QSOX1: variants seen among roughly 807,000 people sequenced by gnomAD.
QSOX1 encodes the protein sulfhydryl oxidase 1.
A neutral mutation model predicts 76.1 loss-of-function variants in QSOX1; 40 were observed. That is an observed-to-expected ratio of 0.53 (90% confidence interval 0.41 to 0.68). The LOEUF (loss-of-function observed/expected upper bound fraction) is 0.68, where lower values mean the gene tolerates loss of function less well. QSOX1 is among the 30% of genes least tolerant of loss of function. The probability of loss-of-function intolerance (pLI) is 0.00; values close to 1 mark genes in which losing one functional copy is unlikely to be tolerated. For synonymous variants in QSOX1, 392 were observed against 413.1 expected (o/e 0.95, Z 0.62); for missense variants, 931 against 974.3 (o/e 0.96, Z 0.59).
intron 2 of QSOX1, 64 bp downstream of exon 2, chr1:180,166,655 G>C: frequency 6.8e-7 from 1 of 1,468,252 alleles, no homozygotes. Context: ...TAAGGGAAAG[G>C]GACCATGTGG....
chr1:180,202,842 G>A lies in QSOX1; in HGVS notation c.*5805G>A, dbSNP rs1281680053. The A allele has an allele frequency of 2.0e-5, 3 of 152,162 alleles. No homozygotes were observed. Among genetic ancestry groups the A allele is most frequent in the Non-Finnish European group, 4.4e-5 (3 of 68,040 alleles). The allele number at this position is 152,162 out of a possible 1,614,324, so 9.4% of individuals were successfully genotyped here. Reference sequence around the variant, plus strand: ...GCTTGTAATCCTAGCACTTTGGGAGGCCGAGGTGGGTGGATCACGAGGTCA... The same window carrying A: ...GCTTGTAATCCTAGCACTTTGGGAGACCGAGGTGGGTGGATCACGAGGTCA... On this transcript the variant is annotated 3_prime_UTR_variant, in exon 12 of 12. Transcript: ENST00000367602.
At chr1:180,191,708 C>A (rs1663319575) in intron 10 of QSOX1, among the ~76,000 whole-genome samples, 1 of 152,174 alleles carries the variant, frequency 6.6e-6, no homozygotes, top group South Asian at 2.1e-4. Flanking sequence ...GGAGAGGGGT[C>A]TGGGAAAGGC....
At chr1:180,195,201 C>G (rs1663439777) in intron 11 of QSOX1, among the ~76,000 whole-genome samples, 1 of 152,146 alleles carries the variant, frequency 6.6e-6, no homozygotes, top group African/African-American at 2.4e-5. Flanking sequence ...TCGGCAGGCT[C>G]CCAGCTGCTG....
chr1:180,193,040 G>A (rs1163101492), intron 10 of QSOX1, among the ~76,000 whole-genome samples: 3 of 152,086 alleles, frequency 2.0e-5, no homozygotes, highest in African/African-American at 4.8e-5. Context: ...GGGCTGTGTC[G>A]GTGGAGTAGT....
Position 180,200,151 on chromosome 1 carries a change from C to T in QSOX1, c.*3114C>T, listed in dbSNP as rs1348167991. On this transcript the variant is annotated 3_prime_UTR_variant, in exon 12 of 12. Coordinates refer to ENST00000367602, the MANE Select transcript of QSOX1 (RefSeq NM_002826.5). ...TGACGTCTGGGTTTGAATCCAGCTT[C>T]CAACACTCACTGGCTGTGTGACTTT... 27 of 152,216 alleles carry T rather than the reference C, an allele frequency of 1.8e-4. No homozygotes were observed. The highest frequency in any genetic ancestry group is 1.8e-3 in the Admixed American group (27 of 15,286). 9.4% of individuals were successfully genotyped at this position (152,216 alleles called of 1,614,324 possible).
At chr1:180,155,853 A>C (rs1408899967) in intron 1 of QSOX1, among the ~76,000 whole-genome samples, 4 of 152,062 alleles carry the variant, frequency 2.6e-5, no homozygotes, top group Admixed American at 2.6e-4. Context: ...CTTATATTTT[A>C]AACCCATGCA....
chr1:180,161,611 T>C (rs1662495939), intron 1 of QSOX1, among the ~76,000 whole-genome samples: 1 of 152,236 alleles, frequency 6.6e-6, no homozygotes, highest in African/African-American at 2.4e-5. Context: ...AATGTTTCCA[T>C]TTTTGTTCAC....
chr1:180,187,729 G>T (rs1663209857), intron 8 of QSOX1, among the ~76,000 whole-genome samples: 1 of 152,244 alleles, frequency 6.6e-6, no homozygotes, highest in African/African-American at 2.4e-5. Context: ...TGAGATGAAG[G>T]TGCCTGCCCT....
intron 8 of QSOX1, among the ~76,000 whole-genome samples, chr1:180,187,671 C>T (rs1258752254): frequency 6.6e-6 from 1 of 152,278 alleles, no homozygotes; most frequent in Non-Finnish European, 1.5e-5. Context: ...GCATCACCCC[C>T]TCTGTGCCTG....
chr1:180,182,064 G>C, intron 5 of QSOX1, 110 bp from the exon 6 acceptor site: 4 of 1,106,058 alleles, frequency 3.6e-6, no homozygotes, highest in Non-Finnish European at 1.3e-6. Flanking sequence ...TTAGAGTCTG[G>C]AAGGAGCACA....
In QSOX1 at chr1:180,178,879, A is replaced by G. The variant is rs757659432; in HGVS notation, c.601A>G (p.Arg201Gly). Reference protein sequence around the residue: ...IFEKGGSYLGREVALDLSQHK... With the variant: ...IFEKGGSYLGGEVALDLSQHK... ...TGAAAAGGGAGGCTCCTACCTGGGT[A>G]GAGAGGTGAGCTGCCCTGAAGTTCC... Residue 201 changes from arginine (R) to glycine (G), a missense_variant, in exon 5 of 12, where the codon AGA (arginine) becomes GGA (glycine). Arg to Gly is a moderately radical substitution (Grantham distance 125). Transcript: ENST00000367602. 6.2e-7 allele frequency: 1 copy of G among 1,612,438 alleles called. No homozygotes were observed. Among genetic ancestry groups the G allele is most frequent in the East Asian group, 2.2e-5 (1 of 44,846 alleles).
chr1:180,160,646 A>G (rs947159845), intron 1 of QSOX1, among the ~76,000 whole-genome samples: 1 of 152,196 alleles, frequency 6.6e-6, no homozygotes, highest in African/African-American at 2.4e-5. Flanking sequence ...GGTAGATGTA[A>G]TCAAGGATAA....
chr1:180,166,901 C>G (rs1392218822), intron 2 of QSOX1, among the ~76,000 whole-genome samples: 1 of 152,232 alleles, frequency 6.6e-6, no homozygotes, highest in African/African-American at 2.4e-5. Context: ...ACCCCAGACA[C>G]TCTGGCAAGC....
At chr1:180,166,215 G>A (rs1044697195) in intron 1 of QSOX1, among the ~76,000 whole-genome samples, 1 of 152,198 alleles carries the variant, frequency 6.6e-6, no homozygotes, top group African/African-American at 2.4e-5. Flanking sequence ...CCCATCCCTG[G>A]CCCCGATTAG....
intron 1 of QSOX1, among the ~76,000 whole-genome samples, chr1:180,163,292 C>G (rs919052202): frequency 6.6e-5 from 10 of 152,212 alleles, no homozygotes; most frequent in Non-Finnish European, 1.3e-4. Flanking sequence ...AAATGACTCT[C>G]TTTTTCCCTT....
At chr1:180,165,879 G>T (rs908505846) in intron 1 of QSOX1, among the ~76,000 whole-genome samples, 27 of 152,260 alleles carry the variant, frequency 1.8e-4, no homozygotes, top group African/African-American at 6.5e-4. Flanking sequence ...CCCGGGGCCT[G>T]ATGCAGGGGC....
chr1:180,186,523 T>A (rs1663177367), intron 8 of QSOX1, among the ~76,000 whole-genome samples: 1 of 152,154 alleles, frequency 6.6e-6, no homozygotes, highest in African/African-American at 2.4e-5. Flanking sequence ...TTCCCACCCC[T>A]TTCTGTGGTC....
intron 2 of QSOX1, among the ~76,000 whole-genome samples, chr1:180,167,239 C>T (rs1662651250): frequency 6.6e-6 from 1 of 152,220 alleles, no homozygotes; most frequent in African/African-American, 2.4e-5. Flanking sequence ...GAGGGCCCTC[C>T]CCTGGGCTCA....
intron 3 of QSOX1, 109 bp downstream of exon 3, chr1:180,175,475 G>A: frequency 1.7e-6 from 2 of 1,190,512 alleles, no homozygotes; most frequent in Non-Finnish European, 2.5e-6. Context: ...CAGGGTCGAG[G>A]GTGAGGCGGT....
Sources: allele counts gnomAD v4.1 joint callset (sites outside exome capture counted in the v4.1 genomes callset), GRCh38; gene constraint gnomAD v4.1.1; transcripts MANE v1.5; gene names NCBI Gene and HGNC (gene_info 2026-07-23, HGNC 2026-07-21).